Variants in PLG observed in about 807,000 individuals in gnomAD.
The protein encoded by PLG is plasmin.
A neutral mutation model predicts 104.4 loss-of-function variants in PLG; 41 were observed. The observed-to-expected ratio is 0.39, with a 90% CI of 0.31 to 0.51. The LOEUF (loss-of-function observed/expected upper bound fraction) is 0.51, where lower values mean the gene tolerates loss of function less well. Ranked by LOEUF, PLG falls within the 20% of genes least tolerant of loss-of-function variation. The probability of loss-of-function intolerance (pLI) is 0.76; values close to 1 mark genes in which losing one functional copy is unlikely to be tolerated. For synonymous variants in PLG, 337 were observed against 357.1 expected (o/e 0.94, Z 0.63); for missense variants, 891 against 1,003.6 (o/e 0.89, Z 1.52).
chr6:160,751,648 A>T (rs928531533), intron 17 of PLG, among the ~76,000 whole-genome samples: 2 of 152,240 alleles, frequency 1.3e-5, no homozygotes, highest in Admixed American at 1.3e-4. Flanking sequence ...TTCATTAAGC[A>T]GTAGCTCCCC....
chr6:160,707,591 T>C, intron 2 of PLG, 109 bp from the exon 3 acceptor site: 1 of 1,173,478 alleles, frequency 8.5e-7, no homozygotes, highest in Non-Finnish European at 1.3e-6. Context: ...CTGAGCTCTC[T>C]GGTCCCTCAA....
rs1777885493 is a variant in PLG at position 160,724,025 on chromosome 6, A to G, written c.1256+1458A>G. On this transcript the variant is annotated intron_variant, in intron 10 of 18. Coordinates refer to ENST00000308192, the MANE Select transcript of PLG (RefSeq NM_000301.5). The surrounding 1 kb of genome is among the most constrained non-coding windows in gnomAD (Gnocchi z 5.0). Reference sequence around the variant, plus strand: ...AGAAAATTCAACCCTTTAGAGGCAAACAACAAAATCAAGTTGCTCAGTTAT... The same window carrying G: ...AGAAAATTCAACCCTTTAGAGGCAAGCAACAAAATCAAGTTGCTCAGTTAT... Among the ~76,000 whole-genome samples the G allele has an allele frequency of 6.6e-6, 1 of 152,228 alleles. No homozygotes were observed. The highest frequency in any genetic ancestry group is 6.5e-5 in the Admixed American group (1 of 15,282).
chr6:160,718,966 A>G, intron 9 of PLG, 128 bp downstream of exon 9: 2 of 824,144 alleles, frequency 2.4e-6, no homozygotes. Flanking sequence ...GCCTGCCCTT[A>G]TGATTTCAGT....
At chr6:160,745,886 T>G (rs1035532848) in intron 17 of PLG, among the ~76,000 whole-genome samples, 1 of 152,216 alleles carries the variant, frequency 6.6e-6, no homozygotes, top group Non-Finnish European at 1.5e-5. Flanking sequence ...CTCTGTTGCT[T>G]AGGAAGCTTA....
intron 1 of PLG, among the ~76,000 whole-genome samples, chr6:160,703,579 T>C (rs1777464653): frequency 6.6e-6 from 1 of 152,190 alleles, no homozygotes; most frequent in Non-Finnish European, 1.5e-5. Flanking sequence ...AATCTATAAA[T>C]TACCAGATAA....
Position 160,732,721 on chromosome 6 carries a change from G to A in PLG, c.1587+828G>A, listed in dbSNP as rs1226202062. Reference sequence around the variant, plus strand: ...TTTTATTTACCCATTTGTTATAAAAGATATTACAAAGGATCCTGGTGAACA... The same window carrying A: ...TTTTATTTACCCATTTGTTATAAAAAATATTACAAAGGATCCTGGTGAACA... On this transcript the variant is annotated intron_variant, in intron 12 of 18. Transcript: ENST00000308192. This position sits in a 1 kb window ranked among gnomAD's most constrained non-coding sequence, Gnocchi z 4.5. Among the ~76,000 whole-genome samples, 3 of 152,170 alleles carry A rather than the reference G, an allele frequency of 2.0e-5. No individual in the cohort carries two copies. Among genetic ancestry groups the A allele is most frequent in the Non-Finnish European group, 4.4e-5 (3 of 68,036 alleles).
rs546757545 is a variant in PLG at position 160,729,185 on chromosome 6, T to G, written c.1257-1866T>G. Among the ~76,000 whole-genome samples the G allele has an allele frequency of 2.6e-5, 4 of 152,268 alleles. No homozygotes were observed. The East Asian group carries it at 7.7e-4, about 29-fold the overall frequency. On this transcript the variant is annotated intron_variant, in intron 10 of 18. Coordinates refer to ENST00000308192, the MANE Select transcript of PLG (RefSeq NM_000301.5). ...ATTTTAGCCATCAAAGATATAAGAA[T>G]TATAACCATCACAAGATGTCACCAA...
At chr6:160,721,133 C>T (rs1432513815) in intron 9 of PLG, among the ~76,000 whole-genome samples, 1 of 152,172 alleles carries the variant, frequency 6.6e-6, no homozygotes, top group Non-Finnish European at 1.5e-5. Flanking sequence ...ACCGTTACAA[C>T]AAGATCCTTT....
Position 160,737,090 on chromosome 6 carries a change from C to T in PLG, c.1802+83C>T. The T allele has an allele frequency of 1.3e-6, 2 of 1,579,664 alleles. No homozygotes were observed. Among genetic ancestry groups the T allele is most frequent in the Non-Finnish European group, 1.7e-6 (2 of 1,157,902 alleles). ...CTTCTACATTTACATAAAATCCACA[C>T]AGCTGAGGCATCAGCACCTGCCTCT... On this transcript the variant is annotated intron_variant, in intron 14 of 18. Coordinates refer to ENST00000308192, the MANE Select transcript of PLG (RefSeq NM_000301.5). This position sits in a 1 kb window ranked among gnomAD's most constrained non-coding sequence, Gnocchi z 4.7.
chr6:160,711,632 G>A (rs1777644071), intron 4 of PLG: 2 of 1,610,522 alleles, frequency 1.2e-6, no homozygotes, highest in Non-Finnish European at 1.7e-6. Flanking sequence ...TGGCACCATA[G>A]TAGAACATGG....
intron 10 of PLG, among the ~76,000 whole-genome samples, chr6:160,727,987 AG>A (rs1777944962): frequency 1.3e-5 from 2 of 151,992 alleles, no homozygotes; most frequent in Non-Finnish European, 2.9e-5. Flanking sequence ...AAAGAAAGAA[AG>A]GGCCTAAAGT....
chr6:160,751,794 T>C (rs957706811), intron 17 of PLG, among the ~76,000 whole-genome samples: 1 of 152,078 alleles, frequency 6.6e-6, no homozygotes, highest in Non-Finnish European at 1.5e-5. Flanking sequence ...GAAAAAAGAG[T>C]ATATAAAAAT....
intron 17 of PLG, among the ~76,000 whole-genome samples, chr6:160,749,560 T>C (rs1778361208): frequency 6.8e-6 from 1 of 146,936 alleles, no homozygotes; most frequent in East Asian, 2.0e-4. Flanking sequence ...ATCACCATCA[T>C]TATCAACCAT....
At chr6:160,706,987 G>T (rs1777539673) in intron 2 of PLG, among the ~76,000 whole-genome samples, 1 of 151,666 alleles carries the variant, frequency 6.6e-6, no homozygotes, top group East Asian at 1.9e-4. Flanking sequence ...TGAGGTACAG[G>T]CATAATCAAT....
rs748326693 is a variant in PLG, at chr6:160,718,849, G to A, written c.1096+11G>A. The A allele has an allele frequency of 1.4e-5, 22 of 1,612,808 alleles. No homozygotes were observed. The highest frequency in any genetic ancestry group is 1.8e-5 in the Non-Finnish European group (21 of 1,178,940). On this transcript the variant is annotated intron_variant, in intron 9 of 18. Transcript: ENST00000308192. ...AATTGGCTCCCACAGGTAAGCAAGG[G>A]TATGGGAGCTTACTGAGGGCCCAAG...
Position 160,722,436 on chromosome 6 carries a change from G to GGACT in PLG, c.1127_1130dup (p.Cys377Ter), listed in dbSNP as rs1466676493. On this transcript the variant is annotated frameshift_variant, in exon 10 of 19. Transcript: ENST00000308192. LOFTEE classifies it high-confidence loss of function. Reference sequence around the variant, plus strand: ...CACCTGAGCTAACCCCTGTGGTCCAGGACTGCTACCATGGTGATGGACAGA... The same window carrying GGACT: ...CACCTGAGCTAACCCCTGTGGTCCAGGACTGACTGCTACCATGGTGATGGACAGA... 6.2e-7 allele frequency: 1 copy of GGACT among 1,612,576 alleles called. No individual in the cohort carries two copies. The highest frequency in any genetic ancestry group is 8.5e-7 in the Non-Finnish European group (1 of 1,178,916).
Position 160,731,711 on chromosome 6 carries a change from G to A in PLG, c.1439-34G>A, listed in dbSNP as rs751361703. The stretch of plus-strand genomic sequence containing the variant: ...TTCCATATCATCCTGGGTCTCTGTG[G>A]CTCTTCATAATCATCCATTTTTTCC... On this transcript the variant is annotated intron_variant, in intron 11 of 18. Coordinates refer to ENST00000308192, the MANE Select transcript of PLG (RefSeq NM_000301.5). The surrounding 1 kb of genome is among the most constrained non-coding windows in gnomAD (Gnocchi z 5.1). The A allele has an allele frequency of 5.6e-6, 9 of 1,607,506 alleles. No homozygotes were observed. The Admixed American group carries it at 1.3e-4, about 24-fold the overall frequency.
At chr6:160,711,447 T>G (rs1434785436) in intron 4 of PLG, 50 of 871,044 alleles carry the variant, frequency 5.7e-5, no homozygotes, top group Admixed American at 1.1e-4. Flanking sequence ...ATTGTTATTT[T>G]CTGTCATCTT....
intron 5 of PLG, 85 bp from the exon 6 acceptor site, chr6:160,714,709 T>A: frequency 2.9e-6 from 4 of 1,363,562 alleles, no homozygotes; most frequent in Non-Finnish European, 4.2e-6. Flanking sequence ...CTTAAGTGAG[T>A]AGGATTCTGG....
Sources: gnomAD v4.1 joint callset for allele counts (sites outside exome capture counted in the v4.1 genomes callset) on GRCh38, gnomAD v4.1.1 for gene constraint, Gnocchi (gnomAD v3.1) non-coding constraint, MANE v1.5 for transcripts, NCBI Gene and HGNC (gene_info 2026-07-23, HGNC 2026-07-21) for gene names.